FAF1: variants seen among roughly 807,000 people sequenced by gnomAD.
FAF1 encodes the protein FAS-associated factor 1.
In FAF1, 25 loss-of-function variants were observed where a neutral mutation model predicts 92.5. The ratio of observed to expected loss-of-function variants is 0.27; its 90% CI spans 0.20 to 0.38. The LOEUF is 0.38. FAF1 is among the 10% of genes least tolerant of loss of function. The pLI, the probability that FAF1 is intolerant of heterozygous loss-of-function variation, is 1.00. For missense variants in FAF1, 636 were observed against 793.3 expected (o/e 0.80, Z 2.38); for synonymous variants, 234 against 273.2 (o/e 0.86, Z 1.42).
intron 2 of FAF1, among the ~76,000 whole-genome samples, chr1:50,811,673 T>C (rs1193801690): frequency 6.6e-6 from 1 of 152,208 alleles, no homozygotes. Context: ...CGTATCAAAC[T>C]ACCAAGGACA....
intron 8 of FAF1, among the ~76,000 whole-genome samples, chr1:50,629,239 G>A (rs539548500): frequency 7.4e-4 from 108 of 145,660 alleles, no homozygotes; most frequent in Non-Finnish European, 1.5e-3. Context: ...GTGCGATCTC[G>A]GCTCACTGCA....
chr1:50,587,681 C>T (rs1651300013), intron 9 of FAF1, among the ~76,000 whole-genome samples: 1 of 152,140 alleles, frequency 6.6e-6, no homozygotes, highest in South Asian at 2.1e-4. Context: ...TAACATTTAA[C>T]AAACATTTAC....
At chr1:50,550,484 G>A (rs909606838) in intron 13 of FAF1, among the ~76,000 whole-genome samples, 3 of 151,590 alleles carry the variant, frequency 2.0e-5, no homozygotes, top group Non-Finnish European at 1.5e-5. Flanking sequence ...AAGCTTTCAA[G>A]CAAGAGCTGA....
intron 1 of FAF1, among the ~76,000 whole-genome samples, chr1:50,930,805 A>C (rs1265303855): frequency 6.6e-6 from 1 of 151,910 alleles, no homozygotes; most frequent in Non-Finnish European, 1.5e-5. Flanking sequence ...CGTCTCAAAA[A>C]AGAAAAAAAA....
chr1:50,841,306 A>G (rs1644253822), intron 2 of FAF1, among the ~76,000 whole-genome samples: 1 of 152,036 alleles, frequency 6.6e-6, no homozygotes, highest in Admixed American at 6.6e-5. Flanking sequence ...AATTTTTAAG[A>G]TATTTGTGAC....
intron 2 of FAF1, among the ~76,000 whole-genome samples, chr1:50,828,321 T>C (rs1414138641): frequency 1.3e-5 from 2 of 151,288 alleles, no homozygotes; most frequent in East Asian, 3.9e-4. Flanking sequence ...CAGGCTGGAG[T>C]GCAGTGGCAC....
chr1:50,598,715 A>C (rs1651950193), intron 8 of FAF1, among the ~76,000 whole-genome samples: 1 of 152,176 alleles, frequency 6.6e-6, no homozygotes, highest in Non-Finnish European at 1.5e-5. Flanking sequence ...TCACGCCTGT[A>C]ATCTCAGCAC....
At chr1:50,661,598 A>AT (rs1302222983) in intron 7 of FAF1, among the ~76,000 whole-genome samples, 2 of 152,210 alleles carry the variant, frequency 1.3e-5, no homozygotes, top group East Asian at 3.8e-4. Flanking sequence ...ACCGAATTTT[A>AT]AATATATCAA....
chr1:50,537,214 G>C (rs886641588), intron 14 of FAF1, among the ~76,000 whole-genome samples: 6 of 152,144 alleles, frequency 3.9e-5, no homozygotes, highest in Non-Finnish European at 7.4e-5. Context: ...TCATCAGTGG[G>C]AAAATACTAT....
chr1:50,652,810 A>T (rs1433533139), intron 8 of FAF1, among the ~76,000 whole-genome samples: 2 of 152,212 alleles, frequency 1.3e-5, no homozygotes, highest in African/African-American at 4.8e-5. Flanking sequence ...CTGTAATTGT[A>T]ATCTGTAATT....
intron 7 of FAF1, among the ~76,000 whole-genome samples, chr1:50,692,285 G>C (rs1656970320): frequency 6.7e-6 from 1 of 149,262 alleles, no homozygotes; most frequent in African/African-American, 2.5e-5. Flanking sequence ...GTGTGTGTGT[G>C]TGTGTGTGGT....
chr1:50,469,464 T>A (rs182800702), intron 18 of FAF1: 1 of 152,182 alleles, frequency 6.6e-6, no homozygotes, highest in African/African-American at 2.4e-5. Flanking sequence ...GGTTTAATGA[T>A]GAGATGCATG....
chr1:50,836,153 T>G (rs1214750764), intron 2 of FAF1, among the ~76,000 whole-genome samples: 1 of 147,314 alleles, frequency 6.8e-6, no homozygotes, highest in Non-Finnish European at 1.5e-5. Flanking sequence ...GTGTGTGTGT[T>G]TTTGTTTTTT....
At chr1:50,896,425 G>GT (rs1489855438) in intron 1 of FAF1, among the ~76,000 whole-genome samples, 2 of 152,006 alleles carry the variant, frequency 1.3e-5, no homozygotes, top group African/African-American at 4.8e-5. Flanking sequence ...ATACACCTAT[G>GT]TTTTTTAAAA....
chr1:50,526,162 T>C (rs1307570786), intron 15 of FAF1, among the ~76,000 whole-genome samples: 2 of 152,198 alleles, frequency 1.3e-5, no homozygotes, highest in African/African-American at 2.4e-5. Context: ...TTAGCTTTCA[T>C]ATCCCATTTT....
At chr1:50,896,340 G>A (rs1041042951) in intron 1 of FAF1, among the ~76,000 whole-genome samples, 1 of 151,992 alleles carries the variant, frequency 6.6e-6, no homozygotes, top group Non-Finnish European at 1.5e-5. Flanking sequence ...TTGAAATGAT[G>A]GATACCCTAT....
chr1:50,526,272 C>A (rs79113074), intron 15 of FAF1, among the ~76,000 whole-genome samples: 17 of 151,626 alleles, frequency 1.1e-4, no homozygotes, highest in Non-Finnish European at 1.9e-4. Context: ...CATGAGCCAC[C>A]GTGCCTGGCC....
chr1:50,906,160 A>G (rs1300439556), intron 1 of FAF1, among the ~76,000 whole-genome samples: 1 of 151,840 alleles, frequency 6.6e-6, no homozygotes, highest in African/African-American at 2.4e-5. Flanking sequence ...TCTTGTTTTT[A>G]TCAGGTTTGT....
chr1:50,527,328 C>T (rs1647863229), intron 15 of FAF1, among the ~76,000 whole-genome samples: 2 of 152,222 alleles, frequency 1.3e-5, no homozygotes, highest in Admixed American at 6.5e-5. Context: ...CCAGTTGTTG[C>T]TGGGATAATT....
Sources: allele counts gnomAD v4.1 joint callset (sites outside exome capture counted in the v4.1 genomes callset), GRCh38; gene constraint gnomAD v4.1.1; transcripts MANE v1.5; gene names NCBI Gene and HGNC (gene_info 2026-07-23, HGNC 2026-07-21).